Variants in ATL2 observed in about 807,000 individuals in gnomAD.
ATL2 encodes the protein atlastin-2.
In ATL2, 31 loss-of-function variants were observed where a neutral mutation model predicts 73.9. That is an observed-to-expected ratio of 0.42 (90% confidence interval 0.32 to 0.57). The LOEUF (loss-of-function observed/expected upper bound fraction) is 0.57, where lower values mean the gene tolerates loss of function less well. Among genes scored for constraint, ATL2 ranks in the 20% least tolerant of loss-of-function variants. The probability of loss-of-function intolerance (pLI) is 0.14; values close to 1 mark genes in which losing one functional copy is unlikely to be tolerated. For missense variants in ATL2, 738 were observed against 702.6 expected (o/e 1.05, Z -0.57); for synonymous variants, 291 against 237.5 (o/e 1.23, Z -2.07).
chr2:38,301,580 C>T (rs899816099), intron 9 of ATL2, among the ~76,000 whole-genome samples: 10 of 152,182 alleles, frequency 6.6e-5, no homozygotes, highest in Admixed American at 6.5e-4. Context: ...TTAGGGAAGT[C>T]GAAAGCAGTG....
chr2:38,315,185 A>T, intron 5 of ATL2, 99 bp downstream of exon 5: 1 of 1,176,332 alleles, frequency 8.5e-7, no homozygotes, highest in South Asian at 2.2e-5. Flanking sequence ...TGGGAGGGGG[A>T]GGTTGCAGTG....
chr2:38,340,395 A>G (rs1264717422), intron 2 of ATL2, among the ~76,000 whole-genome samples: 1 of 150,674 alleles, frequency 6.6e-6, no homozygotes, highest in Non-Finnish European at 1.5e-5. Context: ...AAATAAGCAA[A>G]TAAGAATTAG....
chr2:38,298,948 G>A (rs1052597838), intron 11 of ATL2, among the ~76,000 whole-genome samples: 1 of 152,150 alleles, frequency 6.6e-6, no homozygotes, highest in Admixed American at 6.6e-5. Flanking sequence ...TACAGAAACT[G>A]CTACTGGCCT....
intron 4 of ATL2, among the ~76,000 whole-genome samples, chr2:38,317,147 G>A (rs577113923): frequency 6.6e-6 from 1 of 151,980 alleles, no homozygotes; most frequent in Non-Finnish European, 1.5e-5. Flanking sequence ...AGACATTACT[G>A]GAAAGCATAA....
rs201541581 is a variant in ATL2 at position 38,377,214 on chromosome 2, C to G, written c.47G>C (p.Gly16Ala). The change falls in exon 1 of 13, where the codon GGG becomes GCG. Residue 16 changes from glycine (G) to alanine (A), a missense_variant. By Grantham distance (60) the Gly-to-Ala change is moderately conservative. Transcript: ENST00000378954. ...GCTGGTCCGTCGCCGGCGCCACAGCCCCTGGTGCGGTTGCTGCCCTCGCGC... is the reference window on the plus strand; with the variant it reads ...GCTGGTCCGTCGCCGGCGCCACAGCGCCTGGTGCGGTTGCTGCCCTCGCGC... ...EAARGQQPHQ[G>A]LWRRRRTSDP... The G allele has an allele frequency of 1.9e-5, 31 of 1,608,160 alleles. No individual in the cohort carries two copies. Among genetic ancestry groups the G allele is most frequent in the Non-Finnish European group, 2.5e-5 (30 of 1,178,208 alleles).
chr2:38,375,291 C>G (rs1671898241), intron 1 of ATL2, among the ~76,000 whole-genome samples: 1 of 152,162 alleles, frequency 6.6e-6, no homozygotes, highest in Admixed American at 6.5e-5. Context: ...TCCTACCAAG[C>G]TCATTTAGTT....
chr2:38,370,171 A>C (rs1390387917), intron 1 of ATL2, among the ~76,000 whole-genome samples: 1 of 135,260 alleles, frequency 7.4e-6, no homozygotes, highest in Non-Finnish European at 1.5e-5. Flanking sequence ...AAAAAAAAAA[A>C]GAAAGAAAAT....
At chr2:38,346,811 G>A (rs1670042362) in intron 1 of ATL2, among the ~76,000 whole-genome samples, 1 of 151,966 alleles carries the variant, frequency 6.6e-6, no homozygotes, top group South Asian at 2.1e-4. Flanking sequence ...ACGGCCCTAG[G>A]GTTGGGAACC....
upstream of ATL2, chr2:38,377,333 G>A (rs1009586383): frequency 1.5e-6 from 2 of 1,370,256 alleles, no homozygotes; most frequent in Non-Finnish European, 2.0e-6. Context: ...CCCGGGAGCC[G>A]GCGGGGTGGC....
At chr2:38,349,000 GA>G (rs1670185256) in intron 1 of ATL2, among the ~76,000 whole-genome samples, 1 of 151,594 alleles carries the variant, frequency 6.6e-6, no homozygotes, top group Non-Finnish European at 1.5e-5. Flanking sequence ...TTAGAATGGC[GA>G]TCATTAAAAA....
chr2:38,364,304 A>T (rs1671179676), intron 1 of ATL2, among the ~76,000 whole-genome samples: 1 of 152,172 alleles, frequency 6.6e-6, no homozygotes, highest in South Asian at 2.1e-4. Flanking sequence ...GTATAGTCTG[A>T]GAATGTTGGA....
intron 1 of ATL2, among the ~76,000 whole-genome samples, chr2:38,355,841 A>G (rs1254675187): frequency 2.0e-5 from 3 of 151,748 alleles, no homozygotes. Context: ...TTGGGATTAC[A>G]GGCACGCACC....
chr2:38,377,619 A>C (rs991362421), upstream of ATL2, among the ~76,000 whole-genome samples: 1 of 151,936 alleles, frequency 6.6e-6, no homozygotes, highest in East Asian at 1.9e-4. Flanking sequence ...CTGCAAACGC[A>C]GAAGGGAGCT....
intron 1 of ATL2, chr2:38,375,973 A>T (rs1405048439): frequency 9.6e-7 from 1 of 1,041,272 alleles, no homozygotes; most frequent in South Asian, 3.6e-5. Context: ...CTTTCCTATT[A>T]AAGTGAGTCC....
chr2:38,356,823 A>G (rs189106106), intron 1 of ATL2, among the ~76,000 whole-genome samples: 1 of 152,318 alleles, frequency 6.6e-6, no homozygotes, highest in East Asian at 1.9e-4. Flanking sequence ...CCATTTCTAT[A>G]CATGTTTCCT....
intron 1 of ATL2, among the ~76,000 whole-genome samples, chr2:38,357,323 T>C (rs1032754074): frequency 2.0e-5 from 3 of 151,506 alleles, no homozygotes; most frequent in African/African-American, 7.3e-5. Context: ...GAAGACTCCG[T>C]CTCAAAAATA....
At chr2:38,306,576 T>C (rs1667459064) in intron 9 of ATL2, among the ~76,000 whole-genome samples, 1 of 152,148 alleles carries the variant, frequency 6.6e-6, no homozygotes, top group South Asian at 2.1e-4. Context: ...CAGTTCAACA[T>C]ACACCAATCA....
At chr2:38,296,198 C>A in intron 12 of ATL2, 85 bp from the exon 13 acceptor site, 1 of 1,436,310 alleles carries the variant, frequency 7.0e-7, no homozygotes. Context: ...AAATTCAATT[C>A]AAAGCAATGA....
intron 7 of ATL2, 58 bp from the exon 8 acceptor site, chr2:38,310,505 G>GA: frequency 6.8e-7 from 1 of 1,476,878 alleles, no homozygotes; most frequent in Non-Finnish European, 9.2e-7. Context: ...TTTTTTTAAA[G>GA]AAAATGCACA....
Sources: allele counts gnomAD v4.1 joint callset (sites outside exome capture counted in the v4.1 genomes callset), GRCh38; gene constraint gnomAD v4.1.1; transcripts MANE v1.5; gene names NCBI Gene and HGNC (gene_info 2026-07-23, HGNC 2026-07-21).